The following ZMYM6 variants were observed in gnomAD, a reference collection of about 807,000 sequenced individuals.
ZMYM6 encodes the protein zinc finger MYM-type protein 6.
Under a neutral mutation model 134.0 loss-of-function variants are expected in ZMYM6, and 90 were observed. The observed-to-expected ratio is 0.67, with a 90% CI of 0.57 to 0.80. The LOEUF (loss-of-function observed/expected upper bound fraction) is 0.80. Among genes scored for constraint, ZMYM6 ranks in the 30% least tolerant of loss-of-function variants. ZMYM6 has a pLI of 0.00. For synonymous variants in ZMYM6, 481 were observed against 524.1 expected (o/e 0.92, Z 1.12); for missense variants, 1,362 against 1,533.9 (o/e 0.89, Z 1.87).
intron 15 of ZMYM6, chr1:34,989,280 A>G (rs1640625766): frequency 1.9e-5 from 19 of 1,012,244 alleles, no homozygotes; most frequent in Non-Finnish European, 2.2e-5. Context: ...GCTCACACCT[A>G]TAATCCCAGT....
intron 9 of ZMYM6, 34 bp from the exon 10 acceptor site, chr1:35,010,631 T>C (rs1641068210): frequency 7.0e-6 from 11 of 1,574,884 alleles, no homozygotes; most frequent in Non-Finnish European, 9.4e-6. Context: ...AAGAGCCAAC[T>C]AAACAGTTGC....
In ZMYM6 at chr1:35,012,093, TAATC is replaced by T. The variant is rs145851848; in HGVS notation, c.947-92_947-89del. 165 of 793,856 alleles carry T rather than the reference TAATC, an allele frequency of 2.1e-4. No individual in the cohort carries two copies. In the African/African-American group the frequency reaches 2.6e-3, roughly 12 times the overall value. 49.2% of individuals were successfully genotyped at this position (793,856 alleles called of 1,614,324 possible). A position where few individuals can be genotyped will look rare whatever the true frequency, so the allele number is the denominator to read the frequency against. On this transcript the variant is annotated intron_variant, in intron 7 of 15. Coordinates refer to ENST00000357182, the MANE Select transcript of ZMYM6 (RefSeq NM_007167.4). ...GTATTGGGAGAATGAAAAAATTAAATAATCAATAATATACCAAAAAAATCAAGGA... is the reference window on the plus strand; with the variant it reads ...GTATTGGGAGAATGAAAAAATTAAATAATAATATACCAAAAAAATCAAGGA...
intron 14 of ZMYM6, among the ~76,000 whole-genome samples, chr1:35,000,910 T>C (rs1418052254): frequency 6.6e-6 from 1 of 152,142 alleles, no homozygotes; most frequent in Non-Finnish European, 1.5e-5. Flanking sequence ...GGGAATATCA[T>C]AGAGCAGGGG....
intron 4 of ZMYM6, chr1:35,017,608 T>C (rs1376967901): frequency 6.6e-6 from 1 of 152,224 alleles, no homozygotes; most frequent in Admixed American, 6.5e-5. Flanking sequence ...TCAAAACATT[T>C]TTCTAATTTT....
intron 3 of ZMYM6, 54 bp downstream of exon 3, chr1:35,020,329 A>C: frequency 1.3e-6 from 2 of 1,490,026 alleles, no homozygotes; most frequent in Non-Finnish European, 1.8e-6. Flanking sequence ...CTCAATTTTA[A>C]AAGTCAGAAT....
chr1:35,017,432 T>G (rs1008930285), intron 4 of ZMYM6: 2 of 152,160 alleles, frequency 1.3e-5, no homozygotes. Flanking sequence ...AGTGGCATAA[T>G]AAGTACAAAA....
intron 4 of ZMYM6, 130 bp from the exon 5 acceptor site, chr1:35,015,292 A>G (rs767709754): frequency 1.1e-5 from 10 of 879,964 alleles, no homozygotes; most frequent in Middle Eastern, 7.2e-4. Flanking sequence ...GGAATCTGCA[A>G]ACCTGGGTTT....
At position 34,988,642 on chromosome 1, in the gene ZMYM6, G is replaced by T; in HGVS notation, c.2440C>A (p.Gln814Lys). 1 of 1,547,776 alleles carries T rather than the reference G, an allele frequency of 6.5e-7. No individual in the cohort carries two copies. Among genetic ancestry groups the T allele is most frequent in the South Asian group, 1.2e-5 (1 of 82,776 alleles). The change falls in exon 16 of 16, where the codon CAA (glutamine) becomes AAA (lysine). Residue 814 changes from glutamine to lysine, a missense_variant. Physicochemically the swap from Gln to Lys is moderately conservative, Grantham distance 53. Around this residue, in one of 3 missense-constraint regions of ZMYM6, gnomAD observed 824 missense variants for 940.9 expected, o/e 0.88. Transcript: ENST00000357182. Reference sequence around the variant, plus strand: ...AAACACTTTTTTAAAGAACTATTTTGACATTCCATTTCTAAAGATTTTTGT... The same window carrying T: ...AAACACTTTTTTAAAGAACTATTTTTACATTCCATTTCTAAAGATTTTTGT... ...FEQKSLEMEC[Q>K]NSSLKKCLLV...
At chr1:35,025,493 G>GA (rs999388016) in intron 2 of ZMYM6, among the ~76,000 whole-genome samples, 413 of 121,898 alleles carry the variant, frequency 3.4e-3, no homozygotes, top group African/African-American at 0.011. Flanking sequence ...AAAAAAGAAA[G>GA]AAAAAAAAAA....
In ZMYM6 at chr1:34,987,840, C is replaced by T. The variant is rs1412720296; in HGVS notation, c.3242G>A (p.Arg1081Lys). The change falls in exon 16 of 16, where the codon AGA becomes AAA. Residue 1081 changes from arginine (R) to lysine (K), a missense_variant. Arg to Lys is a conservative substitution (Grantham distance 26, BLOSUM62 2). This residue lies in a region of ZMYM6 where 824 missense variants were observed against 940.9 expected (regional missense o/e 0.88). Transcript: ENST00000357182. ...RWISRGRMLK[R>K]LFELRHEIEI... ...AATCTCATGTCGTAATTCAAATAAT[C>T]TTTTTAACATTCTCCCTCTTGATAT... is the stretch of plus-strand genomic sequence containing the variant. The T allele has an allele frequency of 1.1e-5, 17 of 1,550,776 alleles. No homozygotes were observed. The highest frequency in any genetic ancestry group is 1.4e-5 in the Non-Finnish European group (16 of 1,146,762).
chr1:35,007,284 A>T (rs75297530), intron 11 of ZMYM6, among the ~76,000 whole-genome samples, 186 bp from the exon 12 acceptor site: 1 of 152,350 alleles, frequency 6.6e-6, no homozygotes, highest in African/African-American at 2.4e-5. Flanking sequence ...CCCTAAATCA[A>T]GATAATATAA....
intron 14 of ZMYM6, among the ~76,000 whole-genome samples, chr1:34,993,275 C>A (rs1332334365): frequency 6.6e-6 from 1 of 152,022 alleles, no homozygotes; most frequent in Non-Finnish European, 1.5e-5. Context: ...CCACGCCTGG[C>A]TAATTTTTTA....
At chr1:34,996,019 T>C (rs1640777804) in intron 14 of ZMYM6, among the ~76,000 whole-genome samples, 1 of 152,220 alleles carries the variant, frequency 6.6e-6, no homozygotes, top group South Asian at 2.1e-4. Context: ...TCTAGGATGT[T>C]ATAAATATTT....
At chr1:35,030,816 A>ATGCC (rs1641508149) in intron 1 of ZMYM6, 103 bp from the exon 2 acceptor site, 4 of 596,086 alleles carry the variant, frequency 6.7e-6, no homozygotes, top group Non-Finnish European at 1.1e-5. Flanking sequence ...GCATTTGAAA[A>ATGCC]ACAACTCTTC....
chr1:34,988,548 G>A lies in ZMYM6; in HGVS notation c.2534C>T (p.Pro845Leu). 6.4e-7 allele frequency: 1 copy of A among 1,551,234 alleles called. No individual in the cohort carries two copies. The highest frequency in any genetic ancestry group is 1.4e-5 in the African/African-American group (1 of 73,152). Reference sequence around the variant, plus strand: ...AATTAATTCTTCAGCAATGGAGAATGGCTTCTTGCTTGCAGCAGTTTGGAA... The same window carrying A: ...AATTAATTCTTCAGCAATGGAGAATAGCTTCTTGCTTGCAGCAGTTTGGAA... ...IAFQTAASKK[P>L]FSIAEELIKP... The change falls in exon 16 of 16, where the codon CCA becomes CTA. Residue 845 changes from proline to leucine, a missense_variant. Pro to Leu is a moderately conservative substitution (Grantham distance 98). Transcript: ENST00000357182.
rs373960300 is a variant in ZMYM6, at chr1:35,008,888, C to A, written c.1529G>T (p.Arg510Leu). 79 of 1,613,262 alleles carry A rather than the reference C, an allele frequency of 4.9e-5. No homozygotes were observed. Among genetic ancestry groups the A allele is most frequent in the South Asian group, 2.0e-4 (18 of 90,814 alleles). ...KFLSARDFGE[R>L]WGNYCKMCSY... ...GCACATCTTACAGTAGTTTCCCCAT[C>A]GTTCTCCAAAGTCACGGGCAGAGAG... Residue 510 changes from arginine to leucine, a missense_variant, in exon 11 of 16, where the codon CGA (arginine) becomes CTA (leucine). This residue lies in a region of ZMYM6 where 824 missense variants were observed against 940.9 expected (regional missense o/e 0.88). Coordinates refer to ENST00000357182, the MANE Select transcript of ZMYM6 (RefSeq NM_007167.4).
At chr1:35,011,449 CTT>C (rs1641084707) in intron 8 of ZMYM6, among the ~76,000 whole-genome samples, 1 of 152,204 alleles carries the variant, frequency 6.6e-6, no homozygotes, top group African/African-American at 2.4e-5. Context: ...AAACTCTACT[CTT>C]TGTGTATGTA....
rs761987221 is a variant in ZMYM6 at position 35,012,432 on chromosome 1, TGAA to T, written c.942_944del (p.Ser315del). The T allele has an allele frequency of 1.2e-5, 19 of 1,528,192 alleles. No individual in the cohort carries two copies. The highest frequency in any genetic ancestry group is 1.7e-5 in the Non-Finnish European group (19 of 1,142,844). The allele number at this position is 1,528,192 out of a possible 1,614,324, so 94.7% of individuals were successfully genotyped here. A position where few individuals can be genotyped will look rare whatever the true frequency, so the allele number is the denominator to read the frequency against. The stretch of plus-strand genomic sequence containing the variant: ...AAATTTATCAAATTTAAACATTACC[TGAA>T]GAAGTAACAGTCTTAACTCTGTAAG... On this transcript the variant is annotated inframe_deletion and splice_region_variant, in exon 7 of 16. Coordinates refer to ENST00000357182, the MANE Select transcript of ZMYM6 (RefSeq NM_007167.4).
rs1309385306 is a variant in ZMYM6, at chr1:35,010,487, A to C, written c.1452T>G (p.Thr484=). 9.3e-6 allele frequency: 15 copies of C among 1,613,848 alleles called. No individual in the cohort carries two copies. Among genetic ancestry groups the C allele is most frequent in the Non-Finnish European group, 1.2e-5 (14 of 1,179,948 alleles). Residue 484 remains threonine (T), a synonymous_variant, in exon 10 of 16, where the codon ACT becomes ACG. Transcript: ENST00000357182. The part of the protein sequence containing the change: ...YCKLQKIIKE[T]VRFSGVDKPF... ...GCTTATCAACCCCTGAGAATCGCACAGTCTCCTTTATAATTTTCTGCAGTT... is the reference window on the plus strand; with the variant it reads ...GCTTATCAACCCCTGAGAATCGCACCGTCTCCTTTATAATTTTCTGCAGTT...
Sources: gnomAD v4.1 joint callset for allele counts (sites outside exome capture counted in the v4.1 genomes callset) on GRCh38, gnomAD v4.1.1 for gene constraint, gnomAD v4.1.1 regional missense constraint, MANE v1.5 for transcripts, NCBI Gene and HGNC (gene_info 2026-07-23, HGNC 2026-07-21) for gene names.